Variants in MYO1E observed in about 807,000 individuals in gnomAD.
MYO1E encodes the protein myosin IE.
Under a neutral mutation model 151.1 loss-of-function variants are expected in MYO1E, and 68 were observed. The ratio of observed to expected loss-of-function variants is 0.45; its 90% CI spans 0.37 to 0.55. MYO1E has a LOEUF of 0.55. Ranked by LOEUF, MYO1E falls within the 20% of genes least tolerant of loss-of-function variation. MYO1E has a pLI of 0.00. For synonymous variants in MYO1E, 601 were observed against 501.7 expected (o/e 1.20, Z -2.64); for missense variants, 1,363 against 1,389.3 (o/e 0.98, Z 0.30).
intron 26 of MYO1E, among the ~76,000 whole-genome samples, chr15:59,147,995 G>A (rs554430236): frequency 6.6e-6 from 1 of 152,164 alleles, no homozygotes; most frequent in Non-Finnish European, 1.5e-5. Flanking sequence ...AACCCTGGTA[G>A]AGCATTAAAA....
At chr15:59,153,475 G>C (rs1566965535) in intron 26 of MYO1E, 115 bp downstream of exon 26, 6 of 1,211,402 alleles carry the variant, frequency 5.0e-6, no homozygotes, top group Non-Finnish European at 7.2e-6. Context: ...CACTGAGGTG[G>C]AAAACTAAAC....
chr15:59,227,018 C>T (rs2079995920), intron 7 of MYO1E, among the ~76,000 whole-genome samples: 1 of 152,224 alleles, frequency 6.6e-6, no homozygotes, highest in African/African-American at 2.4e-5. Flanking sequence ...GCCTGCCCTG[C>T]AGGCAGGCTG....
intron 4 of MYO1E, among the ~76,000 whole-genome samples, chr15:59,250,932 G>A (rs2080160889): frequency 6.6e-6 from 1 of 152,158 alleles, no homozygotes; most frequent in Non-Finnish European, 1.5e-5. Flanking sequence ...GGTGGAGGGA[G>A]ACACGTGGGC....
At chr15:59,315,428 C>T (rs1433810514) in intron 1 of MYO1E, among the ~76,000 whole-genome samples, 1 of 151,872 alleles carries the variant, frequency 6.6e-6, no homozygotes, top group African/African-American at 2.4e-5. Flanking sequence ...GGAAAAATAG[C>T]TAATGCATGC....
chr15:59,265,794 A>T (rs1446372896), intron 2 of MYO1E, among the ~76,000 whole-genome samples: 7 of 92,396 alleles, frequency 7.6e-5, no homozygotes, highest in East Asian at 9.1e-4. Flanking sequence ...CATCTCCTTA[A>T]AAAAAAAAAA....
intron 4 of MYO1E, among the ~76,000 whole-genome samples, chr15:59,254,092 C>T (rs540989580): frequency 1.3e-4 from 20 of 151,914 alleles, no homozygotes; most frequent in South Asian, 1.2e-3. Flanking sequence ...ATATTAGATA[C>T]TATAAAAGAA....
intron 22 of MYO1E, 141 bp downstream of exon 22, chr15:59,171,756 A>G: frequency 8.9e-7 from 1 of 1,120,674 alleles, no homozygotes; most frequent in Non-Finnish European, 1.3e-6. Context: ...TCCCTTTGGG[A>G]CAAAGGGAAA....
intron 1 of MYO1E, among the ~76,000 whole-genome samples, chr15:59,369,206 C>A (rs868814867): frequency 1.3e-5 from 2 of 152,160 alleles, no homozygotes; most frequent in Non-Finnish European, 2.9e-5. Context: ...ATCAGCTATC[C>A]ATCAGATTTC....
chr15:59,320,669 C>T (rs67366717), intron 1 of MYO1E, among the ~76,000 whole-genome samples: 31,192 of 152,062 alleles, frequency 0.21, 4,213 homozygotes, highest in African/African-American at 0.38. Flanking sequence ...CCTTTCACCA[C>T]ATACAAAAAT....
At chr15:59,195,076 G>C (rs1324187061) in intron 17 of MYO1E, among the ~76,000 whole-genome samples, 1 of 152,172 alleles carries the variant, frequency 6.6e-6, no homozygotes, top group South Asian at 2.1e-4. Context: ...TCCACCCCAA[G>C]CTAAGCATTC....
intron 25 of MYO1E, 44 bp downstream of exon 25, chr15:59,158,243 G>C: frequency 7.0e-7 from 1 of 1,433,012 alleles, no homozygotes; most frequent in Non-Finnish European, 9.6e-7. Context: ...TAAGTTATGG[G>C]TCCAGATTTA....
At chr15:59,230,944 T>G (rs2080024132) in intron 6 of MYO1E, among the ~76,000 whole-genome samples, 2 of 152,234 alleles carry the variant, frequency 1.3e-5, no homozygotes, top group Admixed American at 6.5e-5. Flanking sequence ...GGATAAACAT[T>G]TGTTTCTTTG....
At chr15:59,138,998 T>G (rs2079391051) in intron 26 of MYO1E, among the ~76,000 whole-genome samples, 1 of 152,096 alleles carries the variant, frequency 6.6e-6, no homozygotes. Context: ...ACTACACCAC[T>G]GCGCGAGTGA....
chr15:59,274,572 A>T lies in MYO1E; in HGVS notation c.4-2123T>A, dbSNP rs533037026. 2.0e-5 allele frequency among the ~76,000 whole-genome samples: 3 copies of T among 152,316 alleles called. No individual in the cohort carries two copies. The South Asian group carries it at 6.2e-4, about 32-fold the overall frequency. On this transcript the variant is annotated intron_variant, in intron 1 of 27. Transcript: ENST00000288235. ...CATAGACATCTAAAAATGGAAGCAGAGTTGAATAAAACACAAGGGCTGTTA... is the reference window on the plus strand; with the variant it reads ...CATAGACATCTAAAAATGGAAGCAGTGTTGAATAAAACACAAGGGCTGTTA...
At chr15:59,371,726 C>A (rs955992424) in intron 1 of MYO1E, among the ~76,000 whole-genome samples, 3 of 152,158 alleles carry the variant, frequency 2.0e-5, no homozygotes, top group African/African-American at 4.8e-5. Flanking sequence ...AAGCCCCGAT[C>A]CCCTCGCGCT....
At chr15:59,314,950 G>A (rs1277647441) in intron 1 of MYO1E, among the ~76,000 whole-genome samples, 1 of 152,114 alleles carries the variant, frequency 6.6e-6, no homozygotes, top group Non-Finnish European at 1.5e-5. Flanking sequence ...TGCCTGGTCT[G>A]ATTTTTCTAG....
chr15:59,236,101 G>A (rs2080061220), intron 5 of MYO1E, among the ~76,000 whole-genome samples: 1 of 151,840 alleles, frequency 6.6e-6, no homozygotes, highest in African/African-American at 2.4e-5. Flanking sequence ...CAGCACTTTG[G>A]GAGGCCGAGG....
intron 22 of MYO1E, 64 bp downstream of exon 22, chr15:59,171,833 G>A: frequency 6.2e-7 from 1 of 1,608,356 alleles, no homozygotes; most frequent in South Asian, 1.1e-5. Flanking sequence ...TGGCTGTTTG[G>A]AACAGCGGAC....
intron 1 of MYO1E, among the ~76,000 whole-genome samples, chr15:59,371,537 T>A (rs1234105177): frequency 2.0e-5 from 3 of 151,516 alleles, no homozygotes; most frequent in African/African-American, 4.9e-5. Flanking sequence ...GGGAGGTGGC[T>A]AAGGTTATAC....
Sources: allele counts gnomAD v4.1 joint callset (sites outside exome capture counted in the v4.1 genomes callset), GRCh38; gene constraint gnomAD v4.1.1; transcripts MANE v1.5; gene names NCBI Gene and HGNC (gene_info 2026-07-23, HGNC 2026-07-21).